FAN1: variants seen among roughly 807,000 people sequenced by gnomAD.
FAN1 encodes the protein fanconi-associated nuclease 1.
A neutral mutation model predicts 104.9 loss-of-function variants in FAN1; 91 were observed. The ratio of observed to expected loss-of-function variants is 0.87; its 90% CI spans 0.73 to 1.03. FAN1 has a LOEUF of 1.03. FAN1 is among the 50% of genes least tolerant of loss of function. The pLI is 0.00. For synonymous variants in FAN1, 478 were observed against 457.6 expected, an observed-to-expected ratio of 1.04 and a Z score of -0.57; for missense variants, 1,263 against 1,239.9, an observed-to-expected ratio of 1.02 and a Z score of -0.28.
In FAN1 at chr15:30,942,404, G is replaced by A. The variant is rs2063085708; in HGVS notation, c.*842G>A. 1 of 352,078 alleles carries A rather than the reference G, an allele frequency of 2.8e-6. No individual in the cohort carries two copies. 21.8% of individuals were successfully genotyped at this position (352,078 alleles called of 1,614,324 possible). The stretch of plus-strand genomic sequence containing the variant: ...ATTCTATCAAGAACAATGGCAAACT[G>A]AACAGAGGCAGTCAGGAGGCCAAAT... On this transcript the variant is annotated 3_prime_UTR_variant, in exon 15 of 15. Coordinates refer to ENST00000362065, the MANE Select transcript of FAN1 (RefSeq NM_014967.5).
intron 14 of FAN1, 139 bp downstream of exon 14, chr15:30,937,398 A>T: frequency 1.3e-6 from 1 of 773,862 alleles, no homozygotes; most frequent in Non-Finnish European, 2.0e-6. Flanking sequence ...ATATCACAAA[A>T]CAGTGTTTGC....
At chr15:30,906,614 C>G (rs990532681) in intron 2 of FAN1, 1 of 434,824 alleles carries the variant, frequency 2.3e-6, no homozygotes, top group Non-Finnish European at 4.7e-6. Context: ...GTCACACTGT[C>G]GTTTAGTAAA....
intron 5 of FAN1, 68 bp downstream of exon 5, chr15:30,914,159 T>C: frequency 8.2e-7 from 1 of 1,225,748 alleles, no homozygotes; most frequent in Non-Finnish European, 1.2e-6. Context: ...GGTTTTGTTA[T>C]TTTTTTCCAG....
intron 13 of FAN1, among the ~76,000 whole-genome samples, chr15:30,936,622 T>A (rs1201396059): frequency 6.6e-6 from 1 of 151,610 alleles, no homozygotes; most frequent in Non-Finnish European, 1.5e-5. Flanking sequence ...GATGGCCTTA[T>A]GTCCTGATAA....
chr15:30,918,541 C>A (rs570849442), intron 6 of FAN1, among the ~76,000 whole-genome samples: 1 of 152,204 alleles, frequency 6.6e-6, no homozygotes, highest in African/African-American at 2.4e-5. Context: ...CAACCCCATA[C>A]TTGACTTGTC....
intron 2 of FAN1, chr15:30,906,316 A>G: frequency 2.2e-6 from 1 of 461,004 alleles, no homozygotes; most frequent in Non-Finnish European, 4.3e-6. Context: ...AATACAATAC[A>G]GGAAGAAAAC....
Position 30,942,629 on chromosome 15 carries a change from A to G in FAN1, c.*1067A>G. ...GGCGGCTTGAATCATCAAGAAATGGATAAATGGGGCTTTAGTAAATCAGGC... is the reference window on the plus strand; with the variant it reads ...GGCGGCTTGAATCATCAAGAAATGGGTAAATGGGGCTTTAGTAAATCAGGC... On this transcript the variant is annotated 3_prime_UTR_variant, in exon 15 of 15. Coordinates refer to ENST00000362065, the MANE Select transcript of FAN1 (RefSeq NM_014967.5). The G allele has an allele frequency of 2.3e-6, 1 of 442,928 alleles. No individual in the cohort carries two copies. Among genetic ancestry groups the G allele is most frequent in the Non-Finnish European group, 3.9e-6 (1 of 253,676 alleles). 27.4% of individuals were successfully genotyped at this position (442,928 alleles called of 1,614,324 possible).
At chr15:30,933,219 A>C in intron 13 of FAN1, among the ~76,000 whole-genome samples, 1 of 152,086 alleles carries the variant, frequency 6.6e-6, no homozygotes, top group Non-Finnish European at 1.5e-5. Flanking sequence ...GGTGGAAGCT[A>C]TGGTGATTGC....
Position 30,925,910 on chromosome 15 carries a change from C to T in FAN1, c.2459C>T (p.Ala820Val), listed in dbSNP as rs1384091908. The change falls in exon 10 of 15, where the codon GCC becomes GTC. Residue 820 changes from alanine to valine, a missense_variant. Ala to Val is a moderately conservative substitution (Grantham distance 64). This residue lies in a region of FAN1 where 581 missense variants were observed against 668.8 expected (regional missense o/e 0.87). Coordinates refer to ENST00000362065, the MANE Select transcript of FAN1 (RefSeq NM_014967.5). The stretch of plus-strand genomic sequence containing the variant: ...TGCTCTGTGGAGGAGCTGGCACTGG[C>T]CCATTACAGACGCAGCGGTTTTGAC... ...VLCSVEELALAHYRRSGFDQG... is the reference protein window; with the variant it reads ...VLCSVEELALVHYRRSGFDQG... The T allele has an allele frequency of 4.3e-6, 7 of 1,614,070 alleles. No homozygotes were observed. In the East Asian group the frequency reaches 6.7e-5, roughly 15 times the overall value.
In FAN1 at chr15:30,921,342, T is replaced by C. The variant is rs185914599; in HGVS notation, c.2052+689T>C. On this transcript the variant is annotated intron_variant, in intron 7 of 14. Coordinates refer to ENST00000362065, the MANE Select transcript of FAN1 (RefSeq NM_014967.5). ...TCCCCAGAAATCTCTGAGGGACCTT[T>C]TGCTTCCTTTTGCTTCCCTGTCAGC... Among the ~76,000 whole-genome samples the C allele has an allele frequency of 1.1e-3, 165 of 152,272 alleles. 4 individuals are homozygous for C. The highest frequency in any genetic ancestry group is 2.1e-4 in the South Asian group (1 of 4,832).
At chr15:30,907,002 G>GC (rs1158717275) in intron 2 of FAN1, among the ~76,000 whole-genome samples, 1 of 151,690 alleles carries the variant, frequency 6.6e-6, no homozygotes, top group Non-Finnish European at 1.5e-5. Context: ...CATGTGTCTT[G>GC]CACTCCATGG....
chr15:30,907,184 G>A (rs933392184), intron 2 of FAN1, among the ~76,000 whole-genome samples: 1 of 151,172 alleles, frequency 6.6e-6, no homozygotes, highest in East Asian at 1.9e-4. Context: ...GGTCCCAAGC[G>A]ATCCTCCTGC....
chr15:30,942,122 A>C lies in FAN1; in HGVS notation c.*560A>C. The C allele has an allele frequency of 6.4e-7, 1 of 1,553,726 alleles. No homozygotes were observed. Among genetic ancestry groups the C allele is most frequent in the Non-Finnish European group, 8.7e-7 (1 of 1,148,924 alleles). On this transcript the variant is annotated 3_prime_UTR_variant, in exon 15 of 15. Coordinates refer to ENST00000362065, the MANE Select transcript of FAN1 (RefSeq NM_014967.5). ...TTCCGGGGATTCCCTTTTTAGAAAG[A>C]TTGAAGGATGCAATGGCAAATATAA...
chr15:30,931,738 G>T (rs747495807), intron 13 of FAN1, among the ~76,000 whole-genome samples: 1 of 152,028 alleles, frequency 6.6e-6, no homozygotes, highest in Non-Finnish European at 1.5e-5. Flanking sequence ...CCATATATAT[G>T]TGGGTCTGTT....
chr15:30,941,712 G>A lies in FAN1; in HGVS notation c.*150G>A, dbSNP rs1202770640. 3 of 1,613,928 alleles carry A rather than the reference G, an allele frequency of 1.9e-6. No individual in the cohort carries two copies. Among genetic ancestry groups the A allele is most frequent in the Non-Finnish European group, 2.5e-6 (3 of 1,179,858 alleles). Reference sequence around the variant, plus strand: ...GCCTCCAGGGGGCCACTGCGCTGTTGCCGCAGCATCCTGCTCAGTACGTCG... The same window carrying A: ...GCCTCCAGGGGGCCACTGCGCTGTTACCGCAGCATCCTGCTCAGTACGTCG... On this transcript the variant is annotated 3_prime_UTR_variant, in exon 15 of 15. Transcript: ENST00000362065.
intron 6 of FAN1, among the ~76,000 whole-genome samples, chr15:30,918,585 G>A (rs2062244192): frequency 6.6e-6 from 1 of 152,130 alleles, no homozygotes; most frequent in African/African-American, 2.4e-5. Flanking sequence ...GCCTCCCTGA[G>A]TACTGGTGAG....
chr15:30,917,279 G>A (rs951495254), intron 5 of FAN1, among the ~76,000 whole-genome samples: 2 of 152,118 alleles, frequency 1.3e-5, no homozygotes, highest in African/African-American at 4.8e-5. Context: ...CTCTTCAGCC[G>A]TTTGGTTGAA....
chr15:30,919,311 T>C (rs1462332072), intron 6 of FAN1, among the ~76,000 whole-genome samples: 13 of 121,068 alleles, frequency 1.1e-4, no homozygotes, highest in African/African-American at 3.3e-4. Context: ...ACCCAGGAGG[T>C]GGAGGTTGTG....
rs2063065818 is a variant in FAN1 at position 30,941,832 on chromosome 15, T to C, written c.*270T>C. 5 of 1,614,048 alleles carry C rather than the reference T, an allele frequency of 3.1e-6. No individual in the cohort carries two copies. The East Asian group carries it at 1.1e-4, about 36-fold the overall frequency. ...GGAACCCAGCGGAAGTAGCACAGTT[T>C]CCACAGTTTTATGTGTGTTCCAGAG... On this transcript the variant is annotated 3_prime_UTR_variant, in exon 15 of 15. Transcript: ENST00000362065.
Sources: gnomAD v4.1 joint callset for allele counts (sites outside exome capture counted in the v4.1 genomes callset) on GRCh38, gnomAD v4.1.1 for gene constraint, gnomAD v4.1.1 regional missense constraint, MANE v1.5 for transcripts, NCBI Gene and HGNC (gene_info 2026-07-23, HGNC 2026-07-21) for gene names.